Variants in SCMH1 observed in about 807,000 individuals in gnomAD.
SCMH1 encodes polycomb protein SCMH1.
Under a neutral mutation model 70.8 loss-of-function variants are expected in SCMH1, and 37 were observed. That is an observed-to-expected ratio of 0.52 (90% CI 0.40 to 0.69). SCMH1 has a LOEUF of 0.69. Ranked by LOEUF, SCMH1 falls within the 30% of genes least tolerant of loss-of-function variation. The probability of loss-of-function intolerance (pLI) is 0.00; values close to 1 mark genes in which losing one functional copy is unlikely to be tolerated. For missense variants in SCMH1, 607 were observed against 827.3 expected (o/e 0.73, Z 3.27); for synonymous variants, 292 against 307.4 (o/e 0.95, Z 0.52).
At chr1:41,125,075 G>C (rs1009982716) in intron 6 of SCMH1, among the ~76,000 whole-genome samples, 1 of 152,130 alleles carries the variant, frequency 6.6e-6, no homozygotes, top group Non-Finnish European at 1.5e-5. Context: ...TAATTTACAG[G>C]CAATCAGTGG....
intron 8 of SCMH1, among the ~76,000 whole-genome samples, chr1:41,090,809 G>A (rs1663204163): frequency 6.6e-6 from 1 of 152,134 alleles, no homozygotes; most frequent in Non-Finnish European, 1.5e-5. Context: ...GGAGGCTGAG[G>A]CGGGTGGATC....
intron 4 of SCMH1, among the ~76,000 whole-genome samples, chr1:41,153,238 A>C (rs1313769781): frequency 6.6e-6 from 1 of 152,198 alleles, no homozygotes; most frequent in African/African-American, 2.4e-5. Context: ...GTGCTGACTA[A>C]AATGTTCTGT....
At chr1:41,142,432 C>T (rs1446832590) in intron 6 of SCMH1, among the ~76,000 whole-genome samples, 5 of 152,076 alleles carry the variant, frequency 3.3e-5, no homozygotes, top group Middle Eastern at 3.4e-3. Context: ...GGATTCGAAG[C>T]GAGAAAACTC....
chr1:41,179,479 A>T (rs1472786908), intron 2 of SCMH1, among the ~76,000 whole-genome samples: 1 of 152,212 alleles, frequency 6.6e-6, no homozygotes. Context: ...AGCAAGACTA[A>T]TAAGAAAAGA....
chr1:41,135,402 A>G (rs965174085), intron 6 of SCMH1, among the ~76,000 whole-genome samples: 1 of 152,128 alleles, frequency 6.6e-6, no homozygotes, highest in Non-Finnish European at 1.5e-5. Flanking sequence ...AGTTTCCCCT[A>G]TGCTATTCTC....
chr1:41,148,006 T>C (rs1644737164), intron 5 of SCMH1, among the ~76,000 whole-genome samples: 1 of 152,188 alleles, frequency 6.6e-6, no homozygotes. Flanking sequence ...TTTAAACCAT[T>C]TACATTTGAT....
chr1:41,231,235 T>C (rs1661240339), intron 1 of SCMH1, among the ~76,000 whole-genome samples: 1 of 152,214 alleles, frequency 6.6e-6, no homozygotes, highest in African/African-American at 2.4e-5. Flanking sequence ...ATCCACCTAG[T>C]ATACATTCTG....
intron 10 of SCMH1, among the ~76,000 whole-genome samples, chr1:41,057,717 G>C (rs1571594822): frequency 6.6e-6 from 1 of 152,150 alleles, no homozygotes; most frequent in Non-Finnish European, 1.5e-5. Context: ...ACATGCTGGG[G>C]GCTCTAATGA....
chr1:41,029,956 A>G (rs954543490), intron 13 of SCMH1, among the ~76,000 whole-genome samples: 2 of 152,242 alleles, frequency 1.3e-5, no homozygotes, highest in Admixed American at 6.5e-5. Context: ...GCTCATGCCT[A>G]TAATCCCAGC....
chr1:41,164,678 AGCTGCAG>A (rs1020617231), intron 2 of SCMH1, among the ~76,000 whole-genome samples: 7 of 152,148 alleles, frequency 4.6e-5, no homozygotes, highest in Non-Finnish European at 1.0e-4. Flanking sequence ...CCTCCATTTT[AGCTGCAG>A]GTCCCAGAGT....
intron 1 of SCMH1, among the ~76,000 whole-genome samples, chr1:41,200,415 G>C (rs71648538): frequency 0.11 from 16,410 of 151,880 alleles, 1,271 homozygotes; most frequent in East Asian, 0.27. Flanking sequence ...AGGAGGCGGA[G>C]CTTGCAGTGA....
intron 8 of SCMH1, among the ~76,000 whole-genome samples, chr1:41,096,754 G>GTGCA (rs1665186947): frequency 1.3e-5 from 2 of 152,166 alleles, no homozygotes; most frequent in Non-Finnish European, 2.9e-5. Flanking sequence ...ACTACACAAA[G>GTGCA]TGCAGACAGG....
rs1184340573 is a variant in SCMH1 at position 41,064,679 on chromosome 1, G to A, written c.1105+5916C>T. 3.3e-5 allele frequency among the ~76,000 whole-genome samples: 5 copies of A among 152,126 alleles called. No individual in the cohort carries two copies. The East Asian group carries it at 9.6e-4, about 29-fold the overall frequency. ...TGTAATCCCAATGCTTTGTGAGGCT[G>A]AAGCAGGAGGATTGTTTGAGGCCAG... On this transcript the variant is annotated intron_variant, in intron 10 of 14. Coordinates refer to ENST00000337495, the Ensembl canonical transcript of SCMH1.
chr1:41,040,681 A>G (rs1646016453), intron 12 of SCMH1, among the ~76,000 whole-genome samples: 2 of 152,112 alleles, frequency 1.3e-5, no homozygotes. Context: ...CCTGACCAAC[A>G]TGGAGAAACC....
chr1:41,091,500 C>A (rs1663491001), intron 8 of SCMH1, among the ~76,000 whole-genome samples: 1 of 152,336 alleles, frequency 6.6e-6, no homozygotes, highest in South Asian at 2.1e-4. Context: ...TCTCTCACCA[C>A]TCCTATTCAA....
chr1:41,139,520 T>C (rs1226879439), intron 6 of SCMH1, among the ~76,000 whole-genome samples: 1 of 152,244 alleles, frequency 6.6e-6, no homozygotes, highest in East Asian at 1.9e-4. Flanking sequence ...ACATGGTCAC[T>C]ATGTTCCCTG....
intron 12 of SCMH1, among the ~76,000 whole-genome samples, chr1:41,044,753 T>C (rs1646688486): frequency 6.6e-6 from 1 of 152,076 alleles, no homozygotes; most frequent in East Asian, 1.9e-4. Flanking sequence ...AGAGTCTGGC[T>C]AAAGTTTGCT....
At position 41,184,030 on chromosome 1, in the gene SCMH1, A is replaced by G. The variant is rs547532269; in HGVS notation, c.13+2091T>C. 3.0e-4 allele frequency among the ~76,000 whole-genome samples: 45 copies of G among 152,330 alleles called. 1 individual carries two copies. In the Middle Eastern group the frequency reaches 0.024, roughly 81 times the overall value. On this transcript the variant is annotated intron_variant, in intron 2 of 14. Transcript: ENST00000337495. ...AGAGATTGATGGTGGTGATGGGTGC[A>G]CAACAATGTGAATGTCTTTAGTGTC...
rs145595656 is a variant in SCMH1, at chr1:41,142,885, T to C, written c.405A>G (p.Pro135=). ...TTGGGTTTACTTACTCACCAAGAGG[T>C]GGCTGTAGCATACCCCCATTCTTTT... Residue 135 remains proline (P), a synonymous_variant, in exon 6 of 15, where the codon CCA becomes CCG. Coordinates refer to ENST00000337495, the Ensembl canonical transcript of SCMH1. 6.9e-5 allele frequency: 111 copies of C among 1,613,110 alleles called. 1 individual carries two copies. The highest frequency in any genetic ancestry group is 4.9e-4 in the Middle Eastern group (3 of 6,084).
Sources: gnomAD v4.1 joint callset for allele counts (sites outside exome capture counted in the v4.1 genomes callset) on GRCh38, gnomAD v4.1.1 for gene constraint, MANE v1.5 for transcripts, NCBI Gene and HGNC (gene_info 2026-07-23, HGNC 2026-07-21) for gene names.